The following FYN variants were observed in gnomAD, a reference collection of about 807,000 sequenced individuals.
The protein encoded by FYN is FYN proto-oncogene, Src family tyrosine kinase.
In FYN, 10 loss-of-function variants were observed where a neutral mutation model predicts 70.2. That is an observed-to-expected ratio of 0.14 (90% CI 0.09 to 0.24). The LOEUF is 0.24. Ranked by LOEUF, FYN falls within the 10% of genes least tolerant of loss-of-function variation. FYN has a pLI of 1.00. For synonymous variants in FYN, 236 were observed against 248.6 expected (o/e 0.95, Z 0.48); for missense variants, 319 against 673.1 (o/e 0.47, Z 5.82).
intron 3 of FYN, among the ~76,000 whole-genome samples, chr6:111,741,820 C>T (rs1019738183): frequency 2.0e-5 from 3 of 152,216 alleles, no homozygotes; most frequent in African/African-American, 7.2e-5. Context: ...GGGCCTCCCC[C>T]TGAGAATTTC....
intron 2 of FYN, among the ~76,000 whole-genome samples, chr6:111,844,104 C>T (rs540886449): frequency 9.8e-5 from 15 of 152,322 alleles, no homozygotes; most frequent in African/African-American, 3.4e-4. Flanking sequence ...CCTCTCATAG[C>T]TCCCTCACAG....
At chr6:111,734,702 C>T (rs1173543044) in intron 3 of FYN, among the ~76,000 whole-genome samples, 4 of 152,166 alleles carry the variant, frequency 2.6e-5, no homozygotes, top group African/African-American at 7.2e-5. Flanking sequence ...ACGACCCCCC[C>T]TACCCCAAAC....
At chr6:111,822,625 A>ACC (rs1165276224) in intron 2 of FYN, among the ~76,000 whole-genome samples, 1 of 151,508 alleles carries the variant, frequency 6.6e-6, no homozygotes, top group Non-Finnish European at 1.5e-5. Flanking sequence ...AACTTAAAGT[A>ACC]TTATATATAT....
At chr6:111,858,906 C>A (rs1001978401) in intron 1 of FYN, among the ~76,000 whole-genome samples, 3 of 150,970 alleles carry the variant, frequency 2.0e-5, no homozygotes, top group Non-Finnish European at 4.4e-5. Context: ...CCATTTATAT[C>A]ATTATATATT....
In FYN at chr6:111,694,437, CAT is replaced by C; in HGVS notation, c.1209_1210del (p.Ile403MetfsTer5). On this transcript the variant is annotated frameshift_variant, in exon 12 of 14. Coordinates refer to ENST00000354650, the MANE Select transcript of FYN (RefSeq NM_002037.5). LOFTEE classifies it high-confidence loss of function. This position sits in a 1 kb window ranked among gnomAD's most constrained non-coding sequence, Gnocchi z 5.0. ...GGCCAATCCGAAGTCAGCAATCTTG[CAT>C]ATGAGTCCATTCCCCACTAGAATGT... The C allele has an allele frequency of 6.2e-7, 1 of 1,614,244 alleles. No homozygotes were observed. Among genetic ancestry groups the C allele is most frequent in the Non-Finnish European group, 8.5e-7 (1 of 1,180,040 alleles).
At chr6:111,688,224 T>C (rs11153312) in intron 12 of FYN, among the ~76,000 whole-genome samples, 5 of 152,104 alleles carry the variant, frequency 3.3e-5, no homozygotes, top group Non-Finnish European at 7.3e-5. Context: ...GGGCCAGAAC[T>C]TATGCTCTAG....
At chr6:111,799,517 C>T (rs1351361137) in intron 2 of FYN, among the ~76,000 whole-genome samples, 1 of 152,186 alleles carries the variant, frequency 6.6e-6, no homozygotes, top group Non-Finnish European at 1.5e-5. Context: ...CCCTGGTGTT[C>T]GCATTTTATG....
chr6:111,748,376 T>A (rs949676299), intron 3 of FYN, among the ~76,000 whole-genome samples: 1 of 152,244 alleles, frequency 6.6e-6, no homozygotes, highest in Non-Finnish European at 1.5e-5. Flanking sequence ...GAATATTGTA[T>A]CACAGAATGA....
At chr6:111,851,075 T>C (rs139087284) in intron 1 of FYN, among the ~76,000 whole-genome samples, 46 of 152,294 alleles carry the variant, frequency 3.0e-4, no homozygotes, top group Admixed American at 3.9e-4. Context: ...CAGTGATATG[T>C]GCACGTTCAA....
intron 2 of FYN, among the ~76,000 whole-genome samples, chr6:111,782,235 C>T (rs1315968668): frequency 1.3e-5 from 2 of 152,118 alleles, no homozygotes; most frequent in African/African-American, 4.8e-5. Flanking sequence ...TTAAAGTCAG[C>T]CTTTTAAGTT....
chr6:111,869,832 C>T (rs1483050377), intron 1 of FYN, among the ~76,000 whole-genome samples: 1 of 152,180 alleles, frequency 6.6e-6, no homozygotes, highest in Non-Finnish European at 1.5e-5. Context: ...ATGATTGTAT[C>T]ACATGGGATT....
At chr6:111,850,907 G>A (rs1305376667) in intron 1 of FYN, among the ~76,000 whole-genome samples, 3 of 152,180 alleles carry the variant, frequency 2.0e-5, no homozygotes, top group African/African-American at 7.2e-5. Context: ...TCATTGCCAC[G>A]TTTCCCCAGG....
chr6:111,760,193 A>T (rs1802941499), intron 3 of FYN, among the ~76,000 whole-genome samples: 1 of 152,180 alleles, frequency 6.6e-6, no homozygotes. Flanking sequence ...CAGCAGCATA[A>T]TACAGCCAGA....
intron 2 of FYN, among the ~76,000 whole-genome samples, chr6:111,789,414 C>A (rs1344738194): frequency 2.6e-5 from 4 of 152,158 alleles, no homozygotes; most frequent in East Asian, 3.9e-4. Flanking sequence ...TCCCCATCAA[C>A]CCCCAGGCAA....
intron 3 of FYN, among the ~76,000 whole-genome samples, chr6:111,741,344 C>G (rs747010572): frequency 2.0e-5 from 3 of 152,140 alleles, no homozygotes; most frequent in Non-Finnish European, 4.4e-5. Context: ...TGGCACAGAG[C>G]AGACACTCAG....
At position 111,694,411 on chromosome 6, in the gene FYN, G is replaced by A. The variant is rs1223286930; in HGVS notation, c.1237C>T (p.Arg413Ter). ...GTGTACTCATTGTCTTCTATCAATC[G>A]GGCCAATCCGAAGTCAGCAATCTTG... is the stretch of plus-strand genomic sequence containing the variant. Reference protein sequence around the residue: ...ICKIADFGLARLIEDNEYTAR... With the variant: ...ICKIADFGLA The change falls in exon 12 of 14, where the codon CGA (arginine) becomes TGA (stop). Residue 413 changes from arginine (R) to a stop codon, truncating the protein, a stop_gained. Transcript: ENST00000354650. LOFTEE classifies it high-confidence loss of function. The surrounding 1 kb of genome is among the most constrained non-coding windows in gnomAD (Gnocchi z 5.0). The A allele has an allele frequency of 6.2e-7, 1 of 1,614,024 alleles. No individual in the cohort carries two copies. Among genetic ancestry groups the A allele is most frequent in the Non-Finnish European group, 8.5e-7 (1 of 1,180,016 alleles).
intron 2 of FYN, among the ~76,000 whole-genome samples, chr6:111,829,376 A>G (rs1211114887): frequency 6.6e-6 from 1 of 152,194 alleles, no homozygotes; most frequent in Admixed American, 6.5e-5. Flanking sequence ...GTAAAATCTA[A>G]TTAGAAACAT....
At chr6:111,698,892 G>A (rs1235893576) in intron 9 of FYN, among the ~76,000 whole-genome samples, 3 of 152,134 alleles carry the variant, frequency 2.0e-5, no homozygotes, top group Admixed American at 2.0e-4. Context: ...AGACCATTCT[G>A]GCCAACATGG....
intron 3 of FYN, among the ~76,000 whole-genome samples, chr6:111,734,041 C>T (rs1711866682): frequency 6.6e-6 from 1 of 152,118 alleles, no homozygotes; most frequent in Non-Finnish European, 1.5e-5. Flanking sequence ...GAGCCATGTT[C>T]GTGCTACTAC....
Sources: gnomAD v4.1 joint callset for allele counts (sites outside exome capture counted in the v4.1 genomes callset) on GRCh38, gnomAD v4.1.1 for gene constraint, Gnocchi (gnomAD v3.1) non-coding constraint, MANE v1.5 for transcripts, NCBI Gene and HGNC (gene_info 2026-07-23, HGNC 2026-07-21) for gene names.